Variants in TMEM87A observed in about 807,000 individuals in gnomAD.
TMEM87A encodes the protein Golgi-pH regulating cation channel.
In TMEM87A, 50 loss-of-function variants were observed where a neutral mutation model predicts 90.0. The observed-to-expected ratio is 0.56, with a 90% CI of 0.44 to 0.70. The LOEUF (loss-of-function observed/expected upper bound fraction) is 0.70, where lower values mean the gene tolerates loss of function less well. TMEM87A is among the 30% of genes least tolerant of loss of function. The probability of loss-of-function intolerance (pLI) is 0.00; values close to 1 mark genes in which losing one functional copy is unlikely to be tolerated. For synonymous variants in TMEM87A, 226 were observed against 226.7 expected, an observed-to-expected ratio of 1.00 and a Z score of 0.03; for missense variants, 577 against 660.5, an observed-to-expected ratio of 0.87 and a Z score of 1.39.
At chr15:42,221,610 C>T (rs1347499225) in intron 15 of TMEM87A, among the ~76,000 whole-genome samples, 1 of 151,862 alleles carries the variant, frequency 6.6e-6, no homozygotes, top group Admixed American at 6.6e-5. Flanking sequence ...TGACATGTAC[C>T]AGTAGTCTCA....
intron 8 of TMEM87A, among the ~76,000 whole-genome samples, chr15:42,239,068 C>T (rs1461543982): frequency 6.6e-6 from 1 of 151,856 alleles, no homozygotes; most frequent in Non-Finnish European, 1.5e-5. Context: ...GTTGTTGAGA[C>T]AGTTTCACTC....
At chr15:42,243,549 A>C (rs1316781575) in intron 7 of TMEM87A, among the ~76,000 whole-genome samples, 1 of 149,004 alleles carries the variant, frequency 6.7e-6, no homozygotes, top group Non-Finnish European at 1.5e-5. Context: ...CAAGAACGAA[A>C]GTTCTTGTTG....
In TMEM87A at chr15:42,211,691, G is replaced by A; in HGVS notation, c.*17C>T. The A allele has an allele frequency of 6.2e-7, 1 of 1,612,006 alleles. No homozygotes were observed. The highest frequency in any genetic ancestry group is 8.5e-7 in the Non-Finnish European group (1 of 1,178,890). On this transcript the variant is annotated 3_prime_UTR_variant, in exon 20 of 20. Transcript: ENST00000389834. ...TCCCTGATGGTAGCCATCTTTAACT[G>A]CAAATCTTCCCATTCCTTACTCCAT... is the stretch of plus-strand genomic sequence containing the variant.
chr15:42,260,971 A>G lies in TMEM87A; in HGVS notation c.491T>C (p.Ile164Thr). The stretch of plus-strand genomic sequence containing the variant: ...AAATATACTTACGGTTTTGTCTCCA[A>G]TAAAGGTAAGGTTTGTTCCATTCTC... ...AKENGTNLTFIGDKTAMHEPL... is the reference protein window; with the variant it reads ...AKENGTNLTFTGDKTAMHEPL... The change falls in exon 6 of 20, where the codon ATT (isoleucine) becomes ACT (threonine). Residue 164 changes from isoleucine to threonine, a missense_variant. Transcript: ENST00000389834. 2 of 1,608,996 alleles carry G rather than the reference A, an allele frequency of 1.2e-6. No homozygotes were observed. The highest frequency in any genetic ancestry group is 8.5e-7 in the Non-Finnish European group (1 of 1,177,902).
rs1024055402 is a variant in TMEM87A at position 42,210,515 on chromosome 15, TG to T, written c.*1192del. The T allele has an allele frequency of 1.7e-4, 26 of 152,092 alleles. No individual in the cohort carries two copies. The highest frequency in any genetic ancestry group is 6.0e-4 in the African/African-American group (25 of 41,494). 9.4% of individuals were successfully genotyped at this position (152,092 alleles called of 1,614,324 possible). Reference sequence around the variant, plus strand: ...GTCTTTAGAAAAAGTTTGAAAAAAATGAGAAAAATACATTAATTTTGTTAAA... The same window carrying T: ...GTCTTTAGAAAAAGTTTGAAAAAAATAGAAAAATACATTAATTTTGTTAAA... On this transcript the variant is annotated 3_prime_UTR_variant, in exon 20 of 20. Coordinates refer to ENST00000389834, the MANE Select transcript of TMEM87A (RefSeq NM_015497.5).
At chr15:42,273,146 C>A in intron 1 of TMEM87A, 109 bp downstream of exon 1, 1 of 1,399,900 alleles carries the variant, frequency 7.1e-7, no homozygotes, top group South Asian at 1.3e-5. Flanking sequence ...ATCCCAGCAA[C>A]CCCACCCCTT....
intron 6 of TMEM87A, among the ~76,000 whole-genome samples, chr15:42,257,142 A>G (rs977404983): frequency 2.0e-5 from 3 of 152,148 alleles, no homozygotes; most frequent in South Asian, 4.1e-4. Flanking sequence ...ACTCACTGCT[A>G]TGGTTTAGAT....
At chr15:42,239,794 T>C (rs2050837758) in intron 7 of TMEM87A, 63 bp from the exon 8 acceptor site, 2 of 1,352,704 alleles carry the variant, frequency 1.5e-6, no homozygotes, top group African/African-American at 1.4e-5. Context: ...AAATATTGCC[T>C]AATATTTGTT....
chr15:42,271,681 G>C (rs1002504684), intron 2 of TMEM87A: 1 of 155,664 alleles, frequency 6.4e-6, no homozygotes, highest in African/African-American at 2.4e-5. Context: ...TATACTCTAT[G>C]ATGTTTGCAT....
intron 2 of TMEM87A, chr15:42,271,483 A>T (rs1235084693): frequency 1.3e-5 from 2 of 152,192 alleles, no homozygotes; most frequent in African/African-American, 2.4e-5. Flanking sequence ...TACATATACA[A>T]CGGGGGTCCC....
chr15:42,221,446 A>G (rs2050484067), intron 15 of TMEM87A, among the ~76,000 whole-genome samples: 1 of 152,208 alleles, frequency 6.6e-6, no homozygotes, highest in East Asian at 1.9e-4. Context: ...CAAAGACTAA[A>G]AAATGGAGAG....
Position 42,227,601 on chromosome 15 carries a change from A to G in TMEM87A, c.1299+110T>C, listed in dbSNP as rs574176051. 4.6e-4 allele frequency: 408 copies of G among 896,428 alleles called. 1 individual carries two copies. The African/African-American group carries it at 6.1e-3, about 13-fold the overall frequency. 55.5% of individuals were successfully genotyped at this position (896,428 alleles called of 1,614,324 possible). ...ATCACAACCCTCAGAGTAGAGACCT[A>G]GCTCTAATTTTTTATAAGGTATATA... On this transcript the variant is annotated intron_variant, in intron 14 of 19. Coordinates refer to ENST00000389834, the MANE Select transcript of TMEM87A (RefSeq NM_015497.5).
chr15:42,211,866 G>C lies in TMEM87A; in HGVS notation c.1627-117C>G. On this transcript the variant is annotated intron_variant, in intron 19 of 19. Coordinates refer to ENST00000389834, the MANE Select transcript of TMEM87A (RefSeq NM_015497.5). ...CACGAGTACTTTATGTTAATTAAAT[G>C]TTTAGAGAAATGGTTCCTAAACATT... 7.3e-6 allele frequency: 7 copies of C among 959,802 alleles called. No homozygotes were observed. In the South Asian group the frequency reaches 9.6e-5, roughly 13 times the overall value. 59.5% of individuals were successfully genotyped at this position (959,802 alleles called of 1,614,324 possible).
In TMEM87A at chr15:42,219,019, T is replaced by G. The variant is rs150645966; in HGVS notation, c.1539+562A>C. 970 of 153,324 alleles carry G rather than the reference T, an allele frequency of 6.3e-3. 14 individuals are homozygous for G. The highest frequency in any genetic ancestry group is 0.022 in the African/African-American group (928 of 41,604). The allele number at this position is 153,324 out of a possible 1,614,324, so 9.5% of individuals were successfully genotyped here. A position where few individuals can be genotyped will look rare whatever the true frequency, so the allele number is the denominator to read the frequency against. ...TCCATAATGGCTATACTAACTCACATTCCTATCAACAGAGTACAAGGGTTC... is the reference window on the plus strand; with the variant it reads ...TCCATAATGGCTATACTAACTCACAGTCCTATCAACAGAGTACAAGGGTTC... On this transcript the variant is annotated intron_variant, in intron 17 of 19. Transcript: ENST00000389834.
intron 2 of TMEM87A, among the ~76,000 whole-genome samples, chr15:42,270,928 T>C (rs1207707633): frequency 5.9e-5 from 9 of 152,226 alleles, no homozygotes; most frequent in Non-Finnish European, 1.2e-4. Flanking sequence ...TTCCCCACAG[T>C]CTATGCAATA....
intron 19 of TMEM87A, among the ~76,000 whole-genome samples, chr15:42,214,474 C>T (rs2050348563): frequency 6.6e-6 from 1 of 152,136 alleles, no homozygotes; most frequent in South Asian, 2.1e-4. Context: ...TTGAAAGAAT[C>T]ACATACTATG....
At chr15:42,231,049 G>GT in intron 12 of TMEM87A, 143 bp downstream of exon 12, 1 of 611,932 alleles carries the variant, frequency 1.6e-6, no homozygotes, top group Non-Finnish European at 2.7e-6. Context: ...GAACCCTCAG[G>GT]TTGTTAAGAC....
At chr15:42,251,407 G>A (rs1411008884) in intron 6 of TMEM87A, among the ~76,000 whole-genome samples, 1 of 152,184 alleles carries the variant, frequency 6.6e-6, no homozygotes, top group Non-Finnish European at 1.5e-5. Flanking sequence ...TGATGTTGGT[G>A]ACCTACAGAT....
chr15:42,268,501 C>G (rs2051449408), intron 2 of TMEM87A, among the ~76,000 whole-genome samples: 3 of 152,034 alleles, frequency 2.0e-5, no homozygotes, highest in Admixed American at 6.6e-5. Context: ...GAACTCATCT[C>G]TACAAAAAAT....
Sources: allele counts gnomAD v4.1 joint callset (sites outside exome capture counted in the v4.1 genomes callset), GRCh38; gene constraint gnomAD v4.1.1; transcripts MANE v1.5; gene names NCBI Gene and HGNC (gene_info 2026-07-23, HGNC 2026-07-21).